ZBTB4: variants seen among roughly 807,000 people sequenced by gnomAD.
ZBTB4 encodes the protein zinc finger and BTB domain-containing protein 4.
ZBTB4 carries 14 observed loss-of-function variants against 59.8 expected under a neutral mutation model. The observed-to-expected ratio is 0.23, with a 90% CI of 0.15 to 0.37. The LOEUF is 0.37. ZBTB4 is among the 10% of genes least tolerant of loss of function. The pLI is 1.00. For missense variants in ZBTB4, 1,198 were observed against 1,380.8 expected (o/e 0.87, Z 2.10); for synonymous variants, 587 against 575.2 (o/e 1.02, Z -0.29).
At chr17:7,471,723 G>T (rs562049673) in intron 1 of ZBTB4, among the ~76,000 whole-genome samples, 2 of 152,200 alleles carry the variant, frequency 1.3e-5, no homozygotes, top group Non-Finnish European at 2.9e-5. Flanking sequence ...TGTCCATACG[G>T]TGGGGACAAT....
chr17:7,459,928 T>C lies in ZBTB4; in HGVS notation c.*2012A>G, dbSNP rs1435610563. On this transcript the variant is annotated 3_prime_UTR_variant, in exon 4 of 4. Coordinates refer to ENST00000380599, the MANE Select transcript of ZBTB4 (RefSeq NM_001128833.2). The stretch of plus-strand genomic sequence containing the variant: ...CTCAGAGGAGTATGGGTTAAGGATA[T>C]AGGGGCACTGTCGTCACCTCTGCCC... The C allele has an allele frequency of 6.6e-6, 1 of 152,640 alleles. No individual in the cohort carries two copies. The highest frequency in any genetic ancestry group is 1.5e-5 in the Non-Finnish European group (1 of 68,054). 9.5% of individuals were successfully genotyped at this position (152,640 alleles called of 1,614,324 possible).
At position 7,462,421 on chromosome 17, in the gene ZBTB4, CCT is replaced by C; in HGVS notation, c.2559_2560del (p.Gly855Ter). ...TGCCACTACTGGGGGCTCCTCACCC[CCT>C]GAAATGATAGGGTCCTGGAGTGAGG... On this transcript the variant is annotated frameshift_variant, in exon 4 of 4. Coordinates refer to ENST00000380599, the MANE Select transcript of ZBTB4 (RefSeq NM_001128833.2). LOFTEE classifies it high-confidence loss of function. The surrounding 1 kb of genome is among the most constrained non-coding windows in gnomAD (Gnocchi z 7.5). 6.2e-7 allele frequency: 1 copy of C among 1,613,976 alleles called. No homozygotes were observed. The highest frequency in any genetic ancestry group is 8.5e-7 in the Non-Finnish European group (1 of 1,180,004).
Position 7,466,127 on chromosome 17 carries a change from C to T in ZBTB4, c.675G>A (p.Leu225=). The change falls in exon 3 of 4, where the codon TTG becomes TTA. Residue 225 remains leucine, a synonymous_variant. Transcript: ENST00000380599. This position sits in a 1 kb window ranked among gnomAD's most constrained non-coding sequence, Gnocchi z 9.1. The part of the protein sequence containing the change: ...GDRAEAQAPD[L]QCSLPRRPLP... ...GGGGCCGCCGGGGCAGGGAGCACTG[C>T]AAGTCAGGGGCCTGGGCCTCAGCCC... 6.2e-7 allele frequency: 1 copy of T among 1,610,416 alleles called. No individual in the cohort carries two copies. The highest frequency in any genetic ancestry group is 8.5e-7 in the Non-Finnish European group (1 of 1,178,252).
At chr17:7,470,448 C>A (rs1178308446) in intron 1 of ZBTB4, among the ~76,000 whole-genome samples, 2 of 151,850 alleles carry the variant, frequency 1.3e-5, no homozygotes, top group Non-Finnish European at 2.9e-5. Flanking sequence ...AATCCCAGCA[C>A]TTTGGGAGGC....
At position 7,463,254 on chromosome 17, in the gene ZBTB4, G is replaced by T. The variant is rs373767560; in HGVS notation, c.1728C>A (p.Gly576=). 6.2e-7 allele frequency: 1 copy of T among 1,611,720 alleles called. No homozygotes were observed. Among genetic ancestry groups the T allele is most frequent in the Non-Finnish European group, 8.5e-7 (1 of 1,179,396 alleles). The change falls in exon 4 of 4, where the codon GGC becomes GGA. Residue 576 remains glycine, a synonymous_variant. Coordinates refer to ENST00000380599, the MANE Select transcript of ZBTB4 (RefSeq NM_001128833.2). ...RTLTYTAKPV[G]GIGGGGGPPT... is the part of the protein sequence containing the mutation. ...GGGGACCCCCACCTCCACCAATCCC[G>T]CCCACTGGCTTGGCTGTGTAAGTCA...
chr17:7,460,555 T>C lies in ZBTB4; in HGVS notation c.*1385A>G, dbSNP rs998176406. The C allele has an allele frequency of 1.3e-5, 2 of 152,346 alleles. No homozygotes were observed. Among genetic ancestry groups the C allele is most frequent in the African/African-American group, 4.8e-5 (2 of 41,458 alleles). 9.4% of individuals were successfully genotyped at this position (152,346 alleles called of 1,614,324 possible). On this transcript the variant is annotated 3_prime_UTR_variant, in exon 4 of 4. Coordinates refer to ENST00000380599, the MANE Select transcript of ZBTB4 (RefSeq NM_001128833.2). ...ACTGGCTCTCCCCTTGTGAGCTATT[T>C]TTTGGGGGGAGGTGGGTGGGATGGG... is the stretch of plus-strand genomic sequence containing the variant.
intron 3 of ZBTB4, among the ~76,000 whole-genome samples, chr17:7,465,190 G>C (rs1430894821): frequency 6.7e-6 from 1 of 149,378 alleles, no homozygotes; most frequent in East Asian, 2.0e-4. Context: ...CAGGTGTGGT[G>C]GCTCACGCCT....
intron 1 of ZBTB4, among the ~76,000 whole-genome samples, chr17:7,468,978 G>T (rs2070163648): frequency 6.6e-6 from 1 of 152,108 alleles, no homozygotes; most frequent in African/African-American, 2.4e-5. Context: ...TGAATTTCAG[G>T]TAGGTCGTAG....
rs111690305 is a variant in ZBTB4, at chr17:7,461,705, C to T, written c.*235G>A. The T allele has an allele frequency of 2.3e-5, 10 of 427,390 alleles. No homozygotes were observed. Among genetic ancestry groups the T allele is most frequent in the Non-Finnish European group, 4.1e-5 (10 of 241,942 alleles). The allele number at this position is 427,390 out of a possible 1,614,324, so 26.5% of individuals were successfully genotyped here. ...AGGGATGGAAGCTGGCCCTGCCCCTCATGGAGGCCATTCCCTGGAGGAAGA... is the reference window on the plus strand; with the variant it reads ...AGGGATGGAAGCTGGCCCTGCCCCTTATGGAGGCCATTCCCTGGAGGAAGA... On this transcript the variant is annotated 3_prime_UTR_variant, in exon 4 of 4. Coordinates refer to ENST00000380599, the MANE Select transcript of ZBTB4 (RefSeq NM_001128833.2).
upstream of ZBTB4, chr17:7,482,575 C>T (rs376334745): frequency 6.2e-6 from 10 of 1,612,238 alleles, no homozygotes; most frequent in African/African-American, 4.0e-5. Flanking sequence ...GGCAGGCTTT[C>T]GTGGGAGGAC....
upstream of ZBTB4, chr17:7,483,204 C>A: frequency 1.0e-6 from 1 of 995,524 alleles, no homozygotes; most frequent in Non-Finnish European, 1.4e-6. Context: ...GATGTGGAGA[C>A]CAGGCTGGGT....
In ZBTB4 at chr17:7,463,365, T is replaced by G; in HGVS notation, c.1617A>C (p.Ala539=). ...PAATPTSPAT[A]VSPATAAGPA... Reference sequence around the variant, plus strand: ...GCCCTGCAGCGGTGGCTGGGCTGACTGCTGTGGCTGGGCTGGTGGGTGTGG... The same window carrying G: ...GCCCTGCAGCGGTGGCTGGGCTGACGGCTGTGGCTGGGCTGGTGGGTGTGG... Residue 539 remains alanine, a synonymous_variant, in exon 4 of 4, where the codon GCA becomes GCC. Coordinates refer to ENST00000380599, the MANE Select transcript of ZBTB4 (RefSeq NM_001128833.2). 1 of 1,606,224 alleles carries G rather than the reference T, an allele frequency of 6.2e-7. No homozygotes were observed. The highest frequency in any genetic ancestry group is 8.5e-7 in the Non-Finnish European group (1 of 1,176,520).
rs2070013815 is a variant in ZBTB4, at chr17:7,461,141, C to G, written c.*799G>C. On this transcript the variant is annotated 3_prime_UTR_variant, in exon 4 of 4. Coordinates refer to ENST00000380599, the MANE Select transcript of ZBTB4 (RefSeq NM_001128833.2). ...GCAGAAAGAGGTGTGATCTGCTTAC[C>G]TCTTTTGCCTTGGAAGAATCTGGAG... is the stretch of plus-strand genomic sequence containing the variant. The G allele has an allele frequency of 6.5e-6, 1 of 152,678 alleles. No individual in the cohort carries two copies. The highest frequency in any genetic ancestry group is 1.5e-5 in the Non-Finnish European group (1 of 68,074). The allele number at this position is 152,678 out of a possible 1,614,324, so 9.5% of individuals were successfully genotyped here.
At chr17:7,481,289 C>A, upstream of ZBTB4, 2 of 509,492 alleles carry the variant, frequency 3.9e-6, no homozygotes, top group Non-Finnish European at 6.0e-6. Context: ...GAGATCACAC[C>A]ATTGCACTCC....
In ZBTB4 at chr17:7,462,359, A is replaced by G. The variant is rs143452364; in HGVS notation, c.2623T>C (p.Phe875Leu). Residue 875 changes from phenylalanine to leucine, a missense_variant, in exon 4 of 4, where the codon TTT becomes CTT. Physicochemically the swap from Phe to Leu is conservative, Grantham distance 22 (BLOSUM62 0). Coordinates refer to ENST00000380599, the MANE Select transcript of ZBTB4 (RefSeq NM_001128833.2). This position sits in a 1 kb window ranked among gnomAD's most constrained non-coding sequence, Gnocchi z 7.5. Reference protein sequence around the residue: ...GSYVYPPVQEFPLALIGGGRE... With the variant: ...GSYVYPPVQELPLALIGGGRE... ...CCGCCCCCAATCAAGGCCAGTGGAAATTCCTGCACAGGTGGGTATACATAG... is the reference window on the plus strand; with the variant it reads ...CCGCCCCCAATCAAGGCCAGTGGAAGTTCCTGCACAGGTGGGTATACATAG... 295 of 1,613,646 alleles carry G rather than the reference A, an allele frequency of 1.8e-4. No individual in the cohort carries two copies. Among genetic ancestry groups the G allele is most frequent in the Non-Finnish European group, 2.4e-4 (279 of 1,179,926 alleles).
Position 7,466,468 on chromosome 17 carries a change from GAGAGGA to G in ZBTB4, c.328_333del (p.Ser110_Ser111del), listed in dbSNP as rs561929099. The G allele has an allele frequency of 2.9e-4, 466 of 1,611,348 alleles. 3 individuals are homozygous for G. The African/African-American group carries it at 4.4e-3, about 15-fold the overall frequency. Reference sequence around the variant, plus strand: ...GAAGCAGGGGGAGAGGCTGGAGGGGGAGAGGAAGAGGAAGAGGAAGAAGAAGAAGAA... The same window carrying G: ...GAAGCAGGGGGAGAGGCTGGAGGGGGAGAGGAAGAGGAAGAAGAAGAAGAA... On this transcript the variant is annotated inframe_deletion, in exon 3 of 4. Transcript: ENST00000380599. This position sits in a 1 kb window ranked among gnomAD's most constrained non-coding sequence, Gnocchi z 9.1.
rs766819255 is a variant in ZBTB4, at chr17:7,463,306, C to G, written c.1676G>C (p.Gly559Ala). ...AGTCCTTCCAGCCCGTGGATTCCGG[C>G]CCTTGGCCTCCTCCGTGGTGGTGGC... Reference protein sequence around the residue: ...AMATTTEEAKGRNPRAGRTLT... With the variant: ...AMATTTEEAKARNPRAGRTLT... The change falls in exon 4 of 4, where the codon GGC becomes GCC. Residue 559 changes from glycine (G) to alanine (A), a missense_variant. By Grantham distance (60) the Gly-to-Ala change is moderately conservative. This residue lies in a region of ZBTB4 where 550 missense variants were observed against 541.8 expected (regional missense o/e 1.02). Coordinates refer to ENST00000380599, the MANE Select transcript of ZBTB4 (RefSeq NM_001128833.2). 1.2e-5 allele frequency: 19 copies of G among 1,609,426 alleles called. No homozygotes were observed. The highest frequency in any genetic ancestry group is 1.6e-5 in the Non-Finnish European group (19 of 1,178,188).
chr17:7,465,208 C>G (rs1053367845), intron 3 of ZBTB4, among the ~76,000 whole-genome samples: 1 of 150,300 alleles, frequency 6.7e-6, no homozygotes, highest in African/African-American at 2.5e-5. Context: ...CCTGTAATCC[C>G]AGCACTTTGG....
chr17:7,481,219 A>T, upstream of ZBTB4: 1 of 244,432 alleles, frequency 4.1e-6, no homozygotes, highest in Non-Finnish European at 7.7e-6. Flanking sequence ...AATCCCAGCT[A>T]CTTGGGAGGC....
Sources: gnomAD v4.1 joint callset for allele counts (sites outside exome capture counted in the v4.1 genomes callset) on GRCh38, gnomAD v4.1.1 for gene constraint, gnomAD v4.1.1 regional missense constraint, Gnocchi (gnomAD v3.1) non-coding constraint, MANE v1.5 for transcripts, NCBI Gene and HGNC (gene_info 2026-07-23, HGNC 2026-07-21) for gene names.